Variants in DGKB observed in about 807,000 individuals in gnomAD.
DGKB encodes the protein 90 kDa diacylglycerol kinase.
In DGKB, 67 loss-of-function variants were observed where a neutral mutation model predicts 114.3. The ratio of observed to expected loss-of-function variants is 0.59; its 90% CI spans 0.48 to 0.72. The LOEUF (loss-of-function observed/expected upper bound fraction) is 0.72, where lower values mean the gene tolerates loss of function less well. Ranked by LOEUF, DGKB falls within the 30% of genes least tolerant of loss-of-function variation. DGKB has a pLI of 0.00. For synonymous variants in DGKB, 398 were observed against 323.1 expected (o/e 1.23, Z -2.49); for missense variants, 907 against 975.2 (o/e 0.93, Z 0.93).
At chr7:14,474,319 G>A (rs1176607470) in intron 21 of DGKB, among the ~76,000 whole-genome samples, 1 of 152,172 alleles carries the variant, frequency 6.6e-6, no homozygotes, top group Non-Finnish European at 1.5e-5. Context: ...CACATAAGAT[G>A]TGACTTGCTC....
intron 2 of DGKB, among the ~76,000 whole-genome samples, chr7:14,769,578 G>A (rs985068567): frequency 6.6e-6 from 1 of 151,550 alleles, no homozygotes; most frequent in Admixed American, 6.6e-5. Context: ...AAAGGAAAGC[G>A]AACACTATTT....
intron 1 of DGKB, among the ~76,000 whole-genome samples, chr7:14,945,467 T>C (rs772207272): frequency 6.6e-6 from 1 of 151,852 alleles, no homozygotes; most frequent in East Asian, 1.9e-4. Context: ...CTTTGTTTTA[T>C]CAATTAAACA....
intron 1 of DGKB, among the ~76,000 whole-genome samples, chr7:14,923,753 T>C (rs1192828044): frequency 6.6e-6 from 1 of 151,994 alleles, no homozygotes. Flanking sequence ...CCAGCACTTT[T>C]GGCGGCCAAG....
intron 17 of DGKB, among the ~76,000 whole-genome samples, chr7:14,588,767 C>T (rs1020994184): frequency 6.6e-6 from 1 of 152,094 alleles, no homozygotes; most frequent in African/African-American, 2.4e-5. Flanking sequence ...TTACTCACGA[C>T]TTTGTCCATC....
At chr7:14,611,167 A>G (rs1179744482) in intron 16 of DGKB, among the ~76,000 whole-genome samples, 1 of 152,116 alleles carries the variant, frequency 6.6e-6, no homozygotes, top group Non-Finnish European at 1.5e-5. Flanking sequence ...TGGTCTTCAG[A>G]GATAGTTATC....
chr7:14,712,279 G>C (rs957824086), intron 6 of DGKB, among the ~76,000 whole-genome samples: 2 of 152,124 alleles, frequency 1.3e-5, no homozygotes, highest in African/African-American at 4.8e-5. Flanking sequence ...TGGATGTTCA[G>C]CATCCAAATA....
intron 1 of DGKB, among the ~76,000 whole-genome samples, chr7:14,921,432 G>A (rs1279177747): frequency 6.6e-6 from 1 of 152,148 alleles, no homozygotes; most frequent in Non-Finnish European, 1.5e-5. Context: ...AAAAGGTGAT[G>A]TCTATACCAA....
chr7:14,814,231 T>C (rs954960128), intron 2 of DGKB: 9 of 152,274 alleles, frequency 5.9e-5, no homozygotes, highest in Middle Eastern at 3.4e-3. Flanking sequence ...TCTTAAGATA[T>C]AACCACAAGA....
At chr7:14,178,409 CCAAAA>C (rs1562544259) in intron 23 of DGKB, among the ~76,000 whole-genome samples, 1 of 95,258 alleles carries the variant, frequency 1.0e-5, no homozygotes, top group Admixed American at 1.1e-4. Flanking sequence ...CCAAATAATA[CCAAAA>C]AAAAAAAAAA....
chr7:14,295,494 T>C (rs1333713361), intron 23 of DGKB, among the ~76,000 whole-genome samples: 1 of 152,114 alleles, frequency 6.6e-6, no homozygotes, highest in Non-Finnish European at 1.5e-5. Flanking sequence ...TTCAAAGTCC[T>C]TTGTACTTTA....
intron 5 of DGKB, among the ~76,000 whole-genome samples, chr7:14,719,232 A>C (rs759063707): frequency 7.2e-5 from 11 of 152,234 alleles, no homozygotes; most frequent in Non-Finnish European, 1.5e-4. Flanking sequence ...AAGAATAAAG[A>C]GAACATAAGC....
chr7:14,837,980 T>G (rs953623123), intron 2 of DGKB, among the ~76,000 whole-genome samples: 1 of 152,174 alleles, frequency 6.6e-6, no homozygotes, highest in African/African-American at 2.4e-5. Context: ...AGCTAATCTG[T>G]TAATTTGTCT....
At chr7:14,864,729 G>A (rs903586699) in intron 1 of DGKB, among the ~76,000 whole-genome samples, 15 of 152,028 alleles carry the variant, frequency 9.9e-5, no homozygotes, top group East Asian at 1.9e-4. Context: ...TACAACAGTC[G>A]GGGTGTTACA....
intron 21 of DGKB, among the ~76,000 whole-genome samples, chr7:14,472,556 C>T (rs1420089951): frequency 6.6e-6 from 1 of 152,156 alleles, no homozygotes; most frequent in African/African-American, 2.4e-5. Flanking sequence ...GAATGGGGCA[C>T]TGCTGAAAAG....
chr7:14,591,465 G>T (rs1031752126), intron 17 of DGKB, among the ~76,000 whole-genome samples: 1 of 151,994 alleles, frequency 6.6e-6, no homozygotes, highest in Admixed American at 6.6e-5. Flanking sequence ...CACCTAGAGA[G>T]TTTCCTATGT....
chr7:14,760,387 T>C (rs543647875), intron 2 of DGKB, among the ~76,000 whole-genome samples: 1 of 152,252 alleles, frequency 6.6e-6, no homozygotes, highest in African/African-American at 2.4e-5. Context: ...GAGCTATTCC[T>C]AAATGGCAAA....
intron 21 of DGKB, among the ~76,000 whole-genome samples, chr7:14,404,698 C>G (rs969303392): frequency 6.6e-6 from 1 of 151,844 alleles, no homozygotes; most frequent in African/African-American, 2.4e-5. Context: ...TCAATCCCTC[C>G]CTTCAGTCCC....
intron 1 of DGKB, among the ~76,000 whole-genome samples, chr7:14,960,662 C>T (rs1455671149): frequency 6.6e-6 from 1 of 151,942 alleles, no homozygotes; most frequent in African/African-American, 2.4e-5. Context: ...AACAGTGAAA[C>T]TGACAATGAA....
intron 13 of DGKB, among the ~76,000 whole-genome samples, chr7:14,641,242 GATTTGGTTTA>G: frequency 4.3e-5 from 1 of 23,350 alleles, no homozygotes. Flanking sequence ...ACAATATAGG[GATTTGGTTTA>G]CAATATAGGG....
Sources: allele counts gnomAD v4.1 joint callset (sites outside exome capture counted in the v4.1 genomes callset), GRCh38; gene constraint gnomAD v4.1.1; transcripts MANE v1.5; gene names NCBI Gene and HGNC (gene_info 2026-07-23, HGNC 2026-07-21).